The following ADAMTSL3 variants were observed in gnomAD, a reference collection of about 807,000 sequenced individuals.
ADAMTSL3 encodes ADAMTS-like protein 3.
A neutral mutation model predicts 201.7 loss-of-function variants in ADAMTSL3; 128 were observed. The ratio of observed to expected loss-of-function variants is 0.63; its 90% CI spans 0.55 to 0.73. ADAMTSL3 has a LOEUF of 0.73. ADAMTSL3 is among the 30% of genes least tolerant of loss of function. The pLI is 0.00. For synonymous variants in ADAMTSL3, 738 were observed against 748.4 expected, an observed-to-expected ratio of 0.99 and a Z score of 0.23; for missense variants, 1,990 against 2,119.6, an observed-to-expected ratio of 0.94 and a Z score of 1.20.
chr15:83,996,900 G>C (rs561128658), intron 23 of ADAMTSL3, among the ~76,000 whole-genome samples: 82 of 151,878 alleles, frequency 5.4e-4, no homozygotes, highest in Non-Finnish European at 3.2e-4. Context: ...CACTGGTAGG[G>C]AAAATGTCCT....
At chr15:83,850,366 C>T (rs2064585839) in intron 7 of ADAMTSL3, among the ~76,000 whole-genome samples, 1 of 151,522 alleles carries the variant, frequency 6.6e-6, no homozygotes, top group Admixed American at 6.6e-5. Flanking sequence ...GGTCTCTTCC[C>T]ATCTTAAATA....
At chr15:83,815,455 C>T (rs545848563) in intron 5 of ADAMTSL3, among the ~76,000 whole-genome samples, 1 of 152,216 alleles carries the variant, frequency 6.6e-6, no homozygotes, top group Non-Finnish European at 1.5e-5. Flanking sequence ...CAAAGCCCAT[C>T]AAGTATATTT....
chr15:83,852,294 A>G (rs1387719808), intron 7 of ADAMTSL3, among the ~76,000 whole-genome samples: 1 of 152,000 alleles, frequency 6.6e-6, no homozygotes, highest in Non-Finnish European at 1.5e-5. Context: ...TGTATTTTTT[A>G]GTAGAGACAG....
chr15:83,918,670 G>A (rs1163709164), intron 16 of ADAMTSL3, among the ~76,000 whole-genome samples: 1 of 152,204 alleles, frequency 6.6e-6, no homozygotes, highest in East Asian at 1.9e-4. Context: ...TGCTAGACAG[G>A]AAGGCAGAGG....
intron 4 of ADAMTSL3, among the ~76,000 whole-genome samples, chr15:83,783,657 C>T (rs1245137820): frequency 6.6e-6 from 1 of 151,446 alleles, no homozygotes; most frequent in African/African-American, 2.4e-5. Flanking sequence ...ATAGAGGAAT[C>T]ATGAAAATAT....
chr15:83,926,221 A>G (rs953366593), intron 17 of ADAMTSL3, among the ~76,000 whole-genome samples: 1 of 152,194 alleles, frequency 6.6e-6, no homozygotes, highest in African/African-American at 2.4e-5. Flanking sequence ...CAGAGGGAAC[A>G]GTATGTGCAA....
intron 23 of ADAMTSL3, among the ~76,000 whole-genome samples, chr15:84,002,936 C>CTTTTTTTTT (rs368176543): frequency 4.2e-4 from 42 of 99,952 alleles, no homozygotes; most frequent in South Asian, 7.3e-4. Flanking sequence ...CTTTTCTTTT[C>CTTTTTTTTT]TTTTTTTTTT....
intron 16 of ADAMTSL3, among the ~76,000 whole-genome samples, chr15:83,915,162 C>T (rs1259032837): frequency 6.6e-6 from 1 of 152,192 alleles, no homozygotes; most frequent in African/African-American, 2.4e-5. Context: ...GAAGCAAGCC[C>T]AGCTGTTGCT....
chr15:83,885,756 G>A (rs112828999), intron 10 of ADAMTSL3, among the ~76,000 whole-genome samples: 4 of 150,880 alleles, frequency 2.7e-5, no homozygotes, highest in African/African-American at 7.3e-5. Flanking sequence ...TTTGAGTCTC[G>A]CTCTGTCGCC....
chr15:83,801,639 T>TATATATATAA (rs1237756327), intron 4 of ADAMTSL3, among the ~76,000 whole-genome samples: 30 of 29,976 alleles, frequency 1.0e-3, no homozygotes, highest in Non-Finnish European at 1.3e-3. Flanking sequence ...TATATATAAA[T>TATATATATAA]ATATAAATAT....
rs376415844 is a variant in ADAMTSL3, at chr15:84,036,884, C to T, written c.4866C>T (p.Val1622=). The T allele has an allele frequency of 1.5e-5, 24 of 1,613,970 alleles. No homozygotes were observed. Among genetic ancestry groups the T allele is most frequent in the African/African-American group, 4.0e-5 (3 of 74,900 alleles). The change falls in exon 29 of 30, where the codon GTC becomes GTT. Residue 1622 remains valine, a synonymous_variant. Coordinates refer to ENST00000286744, the MANE Select transcript of ADAMTSL3 (RefSeq NM_207517.3). The stretch of plus-strand genomic sequence containing the variant: ...GCAGGGGTTTCCAGTCTCGGAAAGT[C>T]GACTGTATCCACACAAGGAGTTGCA... ...ACGRGFQSRK[V]DCIHTRSCKP...
intron 19 of ADAMTSL3, chr15:83,962,618 CTATA>C (rs1306512532): frequency 1.3e-5 from 2 of 152,138 alleles, no homozygotes; most frequent in Non-Finnish European, 2.9e-5. Context: ...TCATGTTACT[CTATA>C]TATGGCAGTT....
At chr15:84,036,636 A>G (rs2068511190) in intron 28 of ADAMTSL3, 137 bp from the exon 29 acceptor site, 2 of 645,378 alleles carry the variant, frequency 3.1e-6, no homozygotes, top group Non-Finnish European at 5.3e-6. Flanking sequence ...AAGCAGAGGA[A>G]TGTCTTGGTC....
At chr15:83,661,097 T>C (rs1335248046) in intron 2 of ADAMTSL3, among the ~76,000 whole-genome samples, 2 of 147,718 alleles carry the variant, frequency 1.4e-5, no homozygotes, top group South Asian at 2.2e-4. Flanking sequence ...GTTGTAGATA[T>C]GTGGCGTTAT....
In ADAMTSL3 at chr15:83,982,305, G is replaced by A. The variant is rs140206840; in HGVS notation, c.2677G>A (p.Glu893Lys). The part of the protein sequence containing the change: ...IKSEMKTKLG[E>K]QGPQILSVQR... Reference sequence around the variant, plus strand: ...ATCAGAGATGAAGACAAAACTTGGTGAGCAGGGTCCGCAGATCCTCAGTGT... The same window carrying A: ...ATCAGAGATGAAGACAAAACTTGGTAAGCAGGGTCCGCAGATCCTCAGTGT... Residue 893 changes from glutamate (E) to lysine (K), a missense_variant, in exon 21 of 30, where the codon GAG becomes AAG. By Grantham distance (56) the Glu-to-Lys change is moderately conservative (BLOSUM62 1). Transcript: ENST00000286744. 35,482 of 1,605,092 alleles carry A rather than the reference G, an allele frequency of 0.022. 450 individuals carry two copies. The highest frequency in any genetic ancestry group is 0.026 in the Non-Finnish European group (30,079 of 1,173,946).
At chr15:83,836,804 TTTTTC>T (rs2064278036) in intron 6 of ADAMTSL3, among the ~76,000 whole-genome samples, 1 of 152,182 alleles carries the variant, frequency 6.6e-6, no homozygotes, top group Non-Finnish European at 1.5e-5. Flanking sequence ...AGAGTTTGAA[TTTTTC>T]AACATCCTGC....
chr15:84,002,391 TC>T (rs954059370), intron 23 of ADAMTSL3, among the ~76,000 whole-genome samples: 1 of 152,120 alleles, frequency 6.6e-6, no homozygotes, highest in Non-Finnish European at 1.5e-5. Flanking sequence ...CTATACCCCA[TC>T]CCTGTCTTCA....
chr15:83,814,881 GCATAAA>G (rs1455440038), intron 5 of ADAMTSL3, among the ~76,000 whole-genome samples: 6 of 152,094 alleles, frequency 3.9e-5, no homozygotes, highest in Admixed American at 6.5e-5. Context: ...TGTCTCTCTT[GCATAAA>G]AGTACTCAGT....
intron 26 of ADAMTSL3, among the ~76,000 whole-genome samples, chr15:84,023,038 T>C (rs981259082): frequency 7.9e-5 from 12 of 152,210 alleles, no homozygotes; most frequent in Non-Finnish European, 1.8e-4. Context: ...TTATCATTCT[T>C]CATAATTCTT....
Sources: allele counts gnomAD v4.1 joint callset (sites outside exome capture counted in the v4.1 genomes callset), GRCh38; gene constraint gnomAD v4.1.1; transcripts MANE v1.5; gene names NCBI Gene and HGNC (gene_info 2026-07-23, HGNC 2026-07-21).